Variants in AFF2 observed in about 807,000 individuals in gnomAD.
The protein encoded by AFF2 is ALF transcription elongation factor 2, also known as AF4/FMR2 family member 2.
A neutral mutation model predicts 76.9 loss-of-function variants in AFF2; 14 were observed. The observed-to-expected ratio is 0.18, with a 90% CI of 0.12 to 0.28. The LOEUF is 0.28. Among genes scored for constraint, AFF2 ranks in the 10% least tolerant of loss-of-function variants. AFF2 has a pLI of 1.00. For synonymous variants in AFF2, 398 were observed against 366.7 expected, an observed-to-expected ratio of 1.09 and a Z score of -0.98; for missense variants, 868 against 1,001.1, an observed-to-expected ratio of 0.87 and a Z score of 1.79.
intron 13 of AFF2, among the ~76,000 whole-genome samples, 192 bp from the exon 14 acceptor site, chrX:148,966,598 C>T (rs1439537739): frequency 9.1e-6 from 1 of 110,062 alleles, no homozygotes; most frequent in Non-Finnish European, 1.9e-5. Flanking sequence ...CATAATAGAA[C>T]AAAAGCTGGT....
Position 148,520,803 on chromosome X carries a change from A to G in AFF2, c.47+19659A>G, listed in dbSNP as rs917141300. On this transcript the variant is annotated intron_variant, in intron 1 of 20. Coordinates refer to ENST00000370460, the MANE Select transcript of AFF2 (RefSeq NM_002025.4). ...TACAGTTCCTTTTTCTAAAAAAAAT[A>G]TTAAGGAATCTGATATACAGTAATC... is the stretch of plus-strand genomic sequence containing the variant. Among the ~76,000 whole-genome samples the G allele has an allele frequency of 5.4e-4, 61 of 112,691 alleles. 1 individual carries two copies. In the Middle Eastern group the frequency reaches 0.023, roughly 42 times the overall value.
At chrX:148,559,082 G>A (rs976343346) in intron 1 of AFF2, among the ~76,000 whole-genome samples, 1 of 111,292 alleles carries the variant, frequency 9.0e-6, no homozygotes, top group Admixed American at 9.6e-5. Context: ...GAGTTGGCCT[G>A]TTCTAGTTGA....
intron 5 of AFF2, among the ~76,000 whole-genome samples, chrX:148,841,146 G>A (rs1183294739): frequency 2.7e-5 from 3 of 111,717 alleles, no homozygotes; most frequent in Admixed American, 9.5e-5. Flanking sequence ...CGGCCTGCAT[G>A]TTTTACTCTC....
At chrX:148,622,835 C>T (rs985322965) in intron 1 of AFF2, among the ~76,000 whole-genome samples, 5 of 111,880 alleles carry the variant, frequency 4.5e-5, no homozygotes, top group Non-Finnish European at 9.4e-5. Flanking sequence ...TCCCATGCCA[C>T]GTTCTCATTC....
chrX:148,664,953 T>G (rs946845771), intron 3 of AFF2, among the ~76,000 whole-genome samples: 1 of 112,025 alleles, frequency 8.9e-6, no homozygotes, highest in Non-Finnish European at 1.9e-5. Context: ...CTTTAATACT[T>G]AAAAATCAAA....
At chrX:148,536,341 A>T (rs1412444534) in intron 1 of AFF2, among the ~76,000 whole-genome samples, 3 of 111,518 alleles carry the variant, frequency 2.7e-5, no homozygotes, top group African/African-American at 9.8e-5. Flanking sequence ...GTCCTGCAAG[A>T]TTGGGAAGCC....
intron 1 of AFF2, among the ~76,000 whole-genome samples, chrX:148,623,519 TTATTTTAGTCCTAA>T (rs1557251544): frequency 9.2e-6 from 1 of 108,692 alleles, no homozygotes; most frequent in Non-Finnish European, 1.9e-5. Flanking sequence ...ATTGGAGGGT[TTATTTTAGTCCTAA>T]TATTTTATGT....
intron 3 of AFF2, among the ~76,000 whole-genome samples, chrX:148,690,677 C>T (rs189675589): frequency 1.2e-4 from 14 of 112,532 alleles, no homozygotes; most frequent in African/African-American, 4.5e-4. Context: ...AGCATGTGCT[C>T]AGGGGCTAAA....
At chrX:148,710,915 G>A (rs924278546) in intron 3 of AFF2, among the ~76,000 whole-genome samples, 5 of 111,285 alleles carry the variant, frequency 4.5e-5, no homozygotes, top group South Asian at 3.7e-4. Flanking sequence ...TAAAAATAAC[G>A]GCTGGACTGG....
intron 1 of AFF2, among the ~76,000 whole-genome samples, chrX:148,625,220 A>G (rs1557251853): frequency 9.0e-6 from 1 of 111,138 alleles, no homozygotes; most frequent in Non-Finnish European, 1.9e-5. Context: ...GGCCCTGTCA[A>G]TAGCTGTGAA....
chrX:148,773,339 A>T (rs1244714792), intron 3 of AFF2, among the ~76,000 whole-genome samples: 1 of 110,973 alleles, frequency 9.0e-6, no homozygotes, highest in African/African-American at 3.3e-5. Flanking sequence ...GAGGTCTGAA[A>T]ATAATAGTGA....
At chrX:148,709,223 A>G (rs577612727) in intron 3 of AFF2, among the ~76,000 whole-genome samples, 5 of 111,898 alleles carry the variant, frequency 4.5e-5, no homozygotes, top group African/African-American at 1.6e-4. Context: ...TACTAAAAAA[A>G]TTTTTTTAGG....
chrX:148,738,397 T>G (rs898165715), intron 3 of AFF2, among the ~76,000 whole-genome samples: 2 of 111,431 alleles, frequency 1.8e-5, no homozygotes, highest in Non-Finnish European at 3.8e-5. Context: ...TTTTCTAGTT[T>G]ATGTGTGTAA....
chrX:148,853,955 C>T (rs185993741), intron 7 of AFF2, among the ~76,000 whole-genome samples: 108 of 111,978 alleles, frequency 9.6e-4, no homozygotes, highest in Non-Finnish European at 1.6e-3. Context: ...AAATCTCATA[C>T]GTTTTACAAT....
intron 1 of AFF2, among the ~76,000 whole-genome samples, chrX:148,603,905 A>C (rs1487300235): frequency 1.8e-5 from 2 of 109,738 alleles, no homozygotes; most frequent in African/African-American, 6.6e-5. Flanking sequence ...TTTCATTTGA[A>C]TCTATTCTCC....
At chrX:148,560,662 A>G (rs945645109) in intron 1 of AFF2, among the ~76,000 whole-genome samples, 1 of 112,139 alleles carries the variant, frequency 8.9e-6, no homozygotes, top group Non-Finnish European at 1.9e-5. Context: ...TCCAGAATGT[A>G]TAAGGAACTT....
intron 1 of AFF2, among the ~76,000 whole-genome samples, chrX:148,545,734 G>GC (rs2052913312): frequency 9.1e-6 from 1 of 109,464 alleles, no homozygotes; most frequent in Non-Finnish European, 1.9e-5. Context: ...TACCTGGAGG[G>GC]CTTAAATAAA....
intron 1 of AFF2, among the ~76,000 whole-genome samples, chrX:148,516,950 T>A (rs782189955): frequency 1.4e-4 from 16 of 112,149 alleles, no homozygotes; most frequent in Non-Finnish European, 3.0e-4. Flanking sequence ...AGCTACATTC[T>A]CTTTGCAGTC....
intron 1 of AFF2, among the ~76,000 whole-genome samples, chrX:148,587,827 ACT>A (rs1249558251): frequency 8.9e-6 from 1 of 111,755 alleles, no homozygotes; most frequent in Non-Finnish European, 1.9e-5. Context: ...TTAGAGATCT[ACT>A]CTCTGTTTTC....
Sources: allele counts gnomAD v4.1 joint callset (sites outside exome capture counted in the v4.1 genomes callset), GRCh38; gene constraint gnomAD v4.1.1; transcripts MANE v1.5; gene names NCBI Gene and HGNC (gene_info 2026-07-23, HGNC 2026-07-21).